Variants in EFCAB5 observed in about 807,000 individuals in gnomAD.
EFCAB5 encodes EF-hand calcium-binding domain-containing protein 5.
A neutral mutation model predicts 167.9 loss-of-function variants in EFCAB5; 131 were observed. The observed-to-expected ratio is 0.78, with a 90% CI of 0.68 to 0.90. The LOEUF is 0.90. EFCAB5 is among the 40% of genes least tolerant of loss of function. EFCAB5 has a pLI of 0.00. For missense variants in EFCAB5, 1,663 were observed against 1,745.2 expected (o/e 0.95, Z 0.84); for synonymous variants, 574 against 602.8 (o/e 0.95, Z 0.70).
At chr17:29,979,635 A>G (rs1466748754) in intron 4 of EFCAB5, among the ~76,000 whole-genome samples, 1 of 152,218 alleles carries the variant, frequency 6.6e-6, no homozygotes, top group African/African-American at 2.4e-5. Flanking sequence ...GTAGTCAGCT[A>G]TAGCACCACT....
chr17:29,934,752 C>T (rs1223753401), intron 1 of EFCAB5, among the ~76,000 whole-genome samples: 1 of 152,140 alleles, frequency 6.6e-6, no homozygotes, highest in African/African-American at 2.4e-5. Flanking sequence ...ATTGTGCTGT[C>T]CACCAGTGGG....
chr17:30,081,337 C>G (rs2070984829), intron 17 of EFCAB5, among the ~76,000 whole-genome samples: 1 of 152,184 alleles, frequency 6.6e-6, no homozygotes, highest in Non-Finnish European at 1.5e-5. Flanking sequence ...ACAGTGGTAT[C>G]TATCTAGAAA....
chr17:30,007,523 C>A (rs2068796681), intron 7 of EFCAB5, among the ~76,000 whole-genome samples: 1 of 152,002 alleles, frequency 6.6e-6, no homozygotes, highest in Non-Finnish European at 1.5e-5. Context: ...AAAATGAACC[C>A]CTCGTTCTTC....
intron 7 of EFCAB5, among the ~76,000 whole-genome samples, chr17:30,011,237 A>C (rs2068891472): frequency 6.6e-6 from 1 of 152,188 alleles, no homozygotes; most frequent in Non-Finnish European, 1.5e-5. Context: ...GTCAGGTAGC[A>C]TGATGCCTCC....
In EFCAB5 at chr17:29,976,033, C is replaced by T. The variant is rs192417074; in HGVS notation, c.767+6666C>T. 2.8e-3 allele frequency among the ~76,000 whole-genome samples: 434 copies of T among 152,296 alleles called. 2 individuals are homozygous for T. The highest frequency in any genetic ancestry group is 5.2e-3 in the Non-Finnish European group (352 of 68,022). On this transcript the variant is annotated intron_variant, in intron 4 of 22. Coordinates refer to ENST00000394835, the MANE Select transcript of EFCAB5 (RefSeq NM_198529.4). The stretch of plus-strand genomic sequence containing the variant: ...AAATACCTTAAGGAACATTTCTGCT[C>T]ACCATCTGTTCTTGCAGTGCAATAA...
At chr17:30,042,103 A>G (rs1037852281) in intron 8 of EFCAB5, among the ~76,000 whole-genome samples, 1 of 151,968 alleles carries the variant, frequency 6.6e-6, no homozygotes, top group Non-Finnish European at 1.5e-5. Flanking sequence ...CTGCTGCCTA[A>G]GTTCAAGTGA....
chr17:30,103,022 A>G (rs1178370202), intron 22 of EFCAB5, among the ~76,000 whole-genome samples: 3 of 151,860 alleles, frequency 2.0e-5, no homozygotes, highest in African/African-American at 7.3e-5. Flanking sequence ...TATTTTTTGT[A>G]GAGACAGACC....
chr17:29,950,193 A>G (rs2067480063), intron 3 of EFCAB5, among the ~76,000 whole-genome samples: 1 of 152,170 alleles, frequency 6.6e-6, no homozygotes, highest in Admixed American at 6.5e-5. Context: ...GACAATGAGA[A>G]TGAAAACATT....
At chr17:30,032,091 C>T (rs573021835) in intron 7 of EFCAB5, among the ~76,000 whole-genome samples, 107 of 152,196 alleles carry the variant, frequency 7.0e-4, no homozygotes, top group Middle Eastern at 3.4e-3. Context: ...AAACATGTTC[C>T]ATTTTAAACA....
chr17:30,008,912 G>A (rs2068832637), intron 7 of EFCAB5, among the ~76,000 whole-genome samples: 1 of 152,084 alleles, frequency 6.6e-6, no homozygotes, highest in South Asian at 2.1e-4. Flanking sequence ...CAAAATGAAG[G>A]TGCTGGCAGG....
chr17:30,003,830 G>T (rs1005565656), intron 7 of EFCAB5, among the ~76,000 whole-genome samples: 1 of 152,122 alleles, frequency 6.6e-6, no homozygotes, highest in Admixed American at 6.6e-5. Context: ...TTCAAGTTGA[G>T]ATTTTCCTAG....
chr17:29,943,728 C>T, intron 3 of EFCAB5, 79 bp downstream of exon 3: 9 of 1,294,692 alleles, frequency 7.0e-6, no homozygotes, highest in Middle Eastern at 1.9e-4. Flanking sequence ...AATTCCAGCA[C>T]TTTGGGAGGC....
At chr17:30,105,821 C>T (rs1003483299) in intron 22 of EFCAB5, among the ~76,000 whole-genome samples, 1 of 151,672 alleles carries the variant, frequency 6.6e-6, no homozygotes, top group Admixed American at 6.6e-5. Flanking sequence ...TGTGTGTGTG[C>T]GTGTGTGTTA....
At chr17:30,067,629 T>G (rs966751005) in intron 14 of EFCAB5, among the ~76,000 whole-genome samples, 1 of 152,176 alleles carries the variant, frequency 6.6e-6, no homozygotes, top group Non-Finnish European at 1.5e-5. Context: ...TTGATAAATA[T>G]TCAATATTCC....
rs1409311022 is a variant in EFCAB5 at position 30,053,260 on chromosome 17, T to C, written c.1306T>C (p.Phe436Leu). The C allele has an allele frequency of 1.3e-5, 20 of 1,597,876 alleles. No individual in the cohort carries two copies. The highest frequency in any genetic ancestry group is 1.7e-5 in the Non-Finnish European group (20 of 1,171,538). The change falls in exon 10 of 23, where the codon TTC becomes CTC. Residue 436 changes from phenylalanine (F) to leucine (L), a missense_variant. Transcript: ENST00000394835. ...SLLRNPRQWP[F>L]IEFEEINLTE... The stretch of plus-strand genomic sequence containing the variant: ...TATTTTGTTTTCTGCATTAGGGCCA[T>C]TCATTGAATTTGAAGAGATAAACTT...
At chr17:30,023,318 A>T (rs1192296529) in intron 7 of EFCAB5, among the ~76,000 whole-genome samples, 1 of 152,178 alleles carries the variant, frequency 6.6e-6, no homozygotes, top group Non-Finnish European at 1.5e-5. Flanking sequence ...AGAAGAATCA[A>T]ATAGACGCAA....
rs916442824 is a variant in EFCAB5 at position 30,080,561 on chromosome 17, T to TG, written c.3198-192_3198-191insG. Among the ~76,000 whole-genome samples the TG allele has an allele frequency of 1.3e-3, 196 of 151,478 alleles. No homozygotes were observed. In the East Asian group the frequency reaches 0.025, roughly 19 times the overall value. On this transcript the variant is annotated intron_variant, in intron 16 of 22. Transcript: ENST00000394835. ...CCACATCCAAGCTTGTTTTTTTTTT[T>TG]TTTGTTTGTTTGTTTTGTTTTTGTT...
chr17:29,967,260 C>T (rs2067848701), intron 3 of EFCAB5, among the ~76,000 whole-genome samples: 1 of 152,182 alleles, frequency 6.6e-6, no homozygotes. Context: ...TATAGAGTTA[C>T]TGTTTTCTAT....
At chr17:30,021,307 T>C (rs934126557) in intron 7 of EFCAB5, among the ~76,000 whole-genome samples, 1 of 148,694 alleles carries the variant, frequency 6.7e-6, no homozygotes, top group Non-Finnish European at 1.5e-5. Flanking sequence ...CTTTGTGTCA[T>C]TTTTTATATA....
Sources: gnomAD v4.1 joint callset for allele counts (sites outside exome capture counted in the v4.1 genomes callset) on GRCh38, gnomAD v4.1.1 for gene constraint, MANE v1.5 for transcripts, NCBI Gene and HGNC (gene_info 2026-07-23, HGNC 2026-07-21) for gene names.